The following TSC22D1 variants were observed in gnomAD, a reference collection of about 807,000 sequenced individuals.
The protein encoded by TSC22D1 is TSC22 domain family protein 1.
Under a neutral mutation model 74.2 loss-of-function variants are expected in TSC22D1, and 9 were observed. The observed-to-expected ratio is 0.12, with a 90% CI of 0.07 to 0.21. TSC22D1 has a LOEUF of 0.21. Ranked by LOEUF, TSC22D1 falls within the 10% of genes least tolerant of loss-of-function variation. The pLI is 1.00. For synonymous variants in TSC22D1, 586 were observed against 492.5 expected, an observed-to-expected ratio of 1.19 and a Z score of -2.51; for missense variants, 1,427 against 1,304.7, an observed-to-expected ratio of 1.09 and a Z score of -1.44.
At chr13:44,508,547 T>C (rs548172045) in intron 1 of TSC22D1, among the ~76,000 whole-genome samples, 2 of 152,284 alleles carry the variant, frequency 1.3e-5, no homozygotes, top group Admixed American at 6.5e-5. Context: ...GCTTCCACTC[T>C]TATTCCTCTA....
At chr13:44,465,894 A>T (rs2137892518) in intron 1 of TSC22D1, among the ~76,000 whole-genome samples, 1 of 152,122 alleles carries the variant, frequency 6.6e-6, no homozygotes, top group Admixed American at 6.5e-5. Flanking sequence ...AATCGCTTGA[A>T]CCCAGGAGGC....
At position 44,573,301 on chromosome 13, in the gene TSC22D1, G is replaced by A. The variant is rs1438721976; in HGVS notation, c.2774C>T (p.Pro925Leu). ...RAAEPSLVGL[P>L]QTISGDSGGM... is the part of the protein sequence containing the mutation. ...CCCACTGTCACCACTGATAGTCTGAGGTAAGCCAACTAAGGAGGGCTCCGC... is the reference window on the plus strand; with the variant it reads ...CCCACTGTCACCACTGATAGTCTGAAGTAAGCCAACTAAGGAGGGCTCCGC... Residue 925 changes from proline to leucine, a missense_variant, in exon 1 of 3, where the codon CCT becomes CTT. Transcript: ENST00000458659. 3 of 1,614,210 alleles carry A rather than the reference G, an allele frequency of 1.9e-6. No homozygotes were observed. Among genetic ancestry groups the A allele is most frequent in the South Asian group, 1.1e-5 (1 of 91,080 alleles).
At chr13:44,437,677 T>C (rs1450201424) in intron 1 of TSC22D1, among the ~76,000 whole-genome samples, 1 of 152,198 alleles carries the variant, frequency 6.6e-6, no homozygotes, top group African/African-American at 2.4e-5. Flanking sequence ...CACATAAATC[T>C]ATTTTTAGTT....
At chr13:44,538,238 C>T in intron 1 of TSC22D1, 1 of 985,300 alleles carries the variant, frequency 1.0e-6, no homozygotes, top group South Asian at 4.7e-5. Flanking sequence ...ACAGACCAAG[C>T]TACTTACATC....
At chr13:44,511,619 T>TACACACACACACAC (rs66743224) in intron 1 of TSC22D1, among the ~76,000 whole-genome samples, 3 of 148,072 alleles carry the variant, frequency 2.0e-5, no homozygotes, top group African/African-American at 5.0e-5. Flanking sequence ...TAAAAAGAAA[T>TACACACACACACAC]ACACACACAC....
At chr13:44,489,087 T>C (rs185739479) in intron 1 of TSC22D1, among the ~76,000 whole-genome samples, 2 of 151,994 alleles carry the variant, frequency 1.3e-5, no homozygotes, top group East Asian at 3.9e-4. Flanking sequence ...CCTAAATATA[T>C]GGATTTATGA....
At chr13:44,495,305 A>AC (rs554038984) in intron 1 of TSC22D1, among the ~76,000 whole-genome samples, 1 of 152,178 alleles carries the variant, frequency 6.6e-6, no homozygotes, top group African/African-American at 2.4e-5. Context: ...GAAAAAAAAA[A>AC]AAAAAACAGT....
rs540881074 is a variant in TSC22D1, at chr13:44,548,948, T to G, written c.2912+24215A>C. Among the ~76,000 whole-genome samples, 11 of 152,220 alleles carry G rather than the reference T, an allele frequency of 7.2e-5. No individual in the cohort carries two copies. The East Asian group carries it at 1.5e-3, about 21-fold the overall frequency. On this transcript the variant is annotated intron_variant, in intron 1 of 2. Coordinates refer to ENST00000458659, the MANE Select transcript of TSC22D1 (RefSeq NM_183422.4). ...CATAATGTAAACATTATAGCAACAGTTTAAGTCACCATTTGTTATAAGCAT... is the reference window on the plus strand; with the variant it reads ...CATAATGTAAACATTATAGCAACAGGTTAAGTCACCATTTGTTATAAGCAT...
intron 1 of TSC22D1, among the ~76,000 whole-genome samples, chr13:44,446,023 CAAGTT>C (rs1170673686): frequency 6.6e-6 from 1 of 152,126 alleles, no homozygotes; most frequent in East Asian, 1.9e-4. Flanking sequence ...AATCCCAATT[CAAGTT>C]ATTTATCCAA....
intron 1 of TSC22D1, among the ~76,000 whole-genome samples, chr13:44,561,635 T>G (rs1326862671): frequency 6.6e-6 from 1 of 152,220 alleles, no homozygotes; most frequent in Non-Finnish European, 1.5e-5. Flanking sequence ...CTCAAGCATG[T>G]GATCTTAACT....
chr13:44,548,400 G>A (rs968629261), intron 1 of TSC22D1, among the ~76,000 whole-genome samples: 2 of 152,178 alleles, frequency 1.3e-5, no homozygotes, highest in African/African-American at 4.8e-5. Context: ...GACAGAGTGA[G>A]ACTCCATCTC....
intron 1 of TSC22D1, among the ~76,000 whole-genome samples, chr13:44,490,375 C>A (rs74665757): frequency 7.4e-6 from 1 of 134,404 alleles, no homozygotes; most frequent in Non-Finnish European, 1.6e-5. Context: ...TTTTTTTTTT[C>A]ATGTAGATGG....
At chr13:44,494,485 G>A (rs1236401580) in intron 1 of TSC22D1, among the ~76,000 whole-genome samples, 1 of 150,548 alleles carries the variant, frequency 6.6e-6, no homozygotes, top group Non-Finnish European at 1.5e-5. Context: ...TTGAGCCTGG[G>A]AGGTCAAGGC....
chr13:44,554,630 C>CAAAAAAAAAAAAAAAA (rs59922380), intron 1 of TSC22D1, among the ~76,000 whole-genome samples: 1 of 68,614 alleles, frequency 1.5e-5, no homozygotes, highest in Non-Finnish European at 3.0e-5. Flanking sequence ...ATACCAGGAA[C>CAAAAAAAAAAAAAAAA]AAAAAAAAAA....
chr13:44,521,053 G>GGAT (rs1173702972), intron 1 of TSC22D1, among the ~76,000 whole-genome samples: 1 of 152,046 alleles, frequency 6.6e-6, no homozygotes, highest in Non-Finnish European at 1.5e-5. Context: ...TGGCAGTGCT[G>GGAT]GATATTCAAA....
At chr13:44,521,143 C>T (rs1880295106) in intron 1 of TSC22D1, among the ~76,000 whole-genome samples, 1 of 152,044 alleles carries the variant, frequency 6.6e-6, no homozygotes, top group Admixed American at 6.5e-5. Context: ...CCTAGAGCAC[C>T]CATATTGTCA....
In TSC22D1 at chr13:44,434,161, T is replaced by C; in HGVS notation, c.*465A>G. 1 of 1,478,442 alleles carries C rather than the reference T, an allele frequency of 6.8e-7. No homozygotes were observed. Among genetic ancestry groups the C allele is most frequent in the African/African-American group, 1.4e-5 (1 of 69,288 alleles). The allele number at this position is 1,478,442 out of a possible 1,614,324, so 91.6% of individuals were successfully genotyped here. ...GTACAGTGAACTCTGTTCCCCCTCATTTTAGTCTTTTTACCCTCCTTTCAA... is the reference window on the plus strand; with the variant it reads ...GTACAGTGAACTCTGTTCCCCCTCACTTTAGTCTTTTTACCCTCCTTTCAA... On this transcript the variant is annotated 3_prime_UTR_variant, in exon 3 of 3. Coordinates refer to ENST00000458659, the MANE Select transcript of TSC22D1 (RefSeq NM_183422.4).
At chr13:44,435,847 C>T (rs1268276178) in intron 2 of TSC22D1, 197 bp downstream of exon 2, 2 of 628,808 alleles carry the variant, frequency 3.2e-6, no homozygotes, top group African/African-American at 1.9e-5. Flanking sequence ...CATTTAATAC[C>T]CGCAGGGCCC....
chr13:44,496,225 T>TC (rs1162566282), intron 1 of TSC22D1, among the ~76,000 whole-genome samples: 1 of 152,170 alleles, frequency 6.6e-6, no homozygotes, highest in African/African-American at 2.4e-5. Flanking sequence ...TGAAAGATGC[T>TC]CATCACTAGC....
Sources: allele counts gnomAD v4.1 joint callset (sites outside exome capture counted in the v4.1 genomes callset), GRCh38; gene constraint gnomAD v4.1.1; transcripts MANE v1.5; gene names NCBI Gene and HGNC (gene_info 2026-07-23, HGNC 2026-07-21).